The following GLRA1 variants were observed in gnomAD, a reference collection of about 807,000 sequenced individuals.
GLRA1 encodes glycine receptor alpha 1.
GLRA1 carries 37 observed loss-of-function variants against 48.3 expected under a neutral mutation model. The ratio of observed to expected loss-of-function variants is 0.77; its 90% CI spans 0.59 to 1.01. The LOEUF (loss-of-function observed/expected upper bound fraction) is 1.01. GLRA1 is among the 50% of genes least tolerant of loss of function. The probability of loss-of-function intolerance (pLI) is 0.00; values close to 1 mark genes in which losing one functional copy is unlikely to be tolerated. For synonymous variants in GLRA1, 196 were observed against 210.7 expected, an observed-to-expected ratio of 0.93 and a Z score of 0.60; for missense variants, 427 against 571.0, an observed-to-expected ratio of 0.75 and a Z score of 2.57.
intron 7 of GLRA1, among the ~76,000 whole-genome samples, chr5:151,843,081 T>C (rs1426731290): frequency 6.6e-6 from 1 of 152,126 alleles, no homozygotes; most frequent in Non-Finnish European, 1.5e-5. Flanking sequence ...AAATCTTTTT[T>C]GAAAGAAATT....
chr5:151,897,328 G>A (rs2964608), intron 1 of GLRA1, among the ~76,000 whole-genome samples: 61,142 of 151,982 alleles, frequency 0.4, 12,446 homozygotes, highest in South Asian at 0.48. Context: ...CACAATTCCC[G>A]GTTAACTTAA....
chr5:151,891,534 G>A lies in GLRA1; in HGVS notation c.184+777C>T, dbSNP rs948609431. ...GAAACATGGGGCCTACATTTCTGCA[G>A]GGCAACTACAGGCTGGGGCTAAGAA... On this transcript the variant is annotated intron_variant, in intron 2 of 8. Transcript: ENST00000274576. Among the ~76,000 whole-genome samples, 3 of 152,258 alleles carry A rather than the reference G, an allele frequency of 2.0e-5. No individual in the cohort carries two copies. The East Asian group carries it at 5.8e-4, about 29-fold the overall frequency.
chr5:151,882,343 A>T (rs1451772297), intron 3 of GLRA1, among the ~76,000 whole-genome samples: 1 of 152,160 alleles, frequency 6.6e-6, no homozygotes, highest in Non-Finnish European at 1.5e-5. Flanking sequence ...TTCCCACTTT[A>T]TGGGGGTTGT....
At chr5:151,829,590 A>G (rs139766389) in intron 7 of GLRA1, among the ~76,000 whole-genome samples, 7 of 152,366 alleles carry the variant, frequency 4.6e-5, no homozygotes, top group African/African-American at 1.7e-4. Flanking sequence ...GCTTTGTGGC[A>G]GTGTTTAAAA....
Position 151,900,670 on chromosome 5 carries a change from C to CT in GLRA1, c.57-8233dup, listed in dbSNP as rs144574719. On this transcript the variant is annotated intron_variant, in intron 1 of 8. Coordinates refer to ENST00000274576, the MANE Select transcript of GLRA1 (RefSeq NM_000171.4). Reference sequence around the variant, plus strand: ...TTTGCTTACATTATATTGACGTTTTCTTTTTCTCATCTTCCTTCTCCTTAC... The same window carrying CT: ...TTTGCTTACATTATATTGACGTTTTCTTTTTTCTCATCTTCCTTCTCCTTAC... Among the ~76,000 whole-genome samples, 1,207 of 152,226 alleles carry CT rather than the reference C, an allele frequency of 7.9e-3. 19 individuals are homozygous for CT. Among genetic ancestry groups the CT allele is most frequent in the African/African-American group, 0.027 (1,136 of 41,520 alleles).
chr5:151,878,198 C>A (rs143645569), intron 3 of GLRA1, among the ~76,000 whole-genome samples: 2 of 152,254 alleles, frequency 1.3e-5, no homozygotes, highest in South Asian at 4.2e-4. Flanking sequence ...GCAAAGGTGA[C>A]GCTTGTTATG....
intron 3 of GLRA1, among the ~76,000 whole-genome samples, chr5:151,863,683 G>T (rs187378025): frequency 6.6e-6 from 1 of 152,176 alleles, no homozygotes; most frequent in Admixed American, 6.5e-5. Flanking sequence ...ATTCCCGAGG[G>T]TGCTGGATAA....
intron 3 of GLRA1, among the ~76,000 whole-genome samples, chr5:151,878,502 T>A (rs1672105726): frequency 6.6e-6 from 1 of 152,008 alleles, no homozygotes; most frequent in Non-Finnish European, 1.5e-5. Context: ...CCCAAGACAA[T>A]GGGGAAAATG....
intron 7 of GLRA1, among the ~76,000 whole-genome samples, chr5:151,840,043 GA>G (rs1043801541): frequency 6.6e-6 from 1 of 150,426 alleles, no homozygotes; most frequent in African/African-American, 2.4e-5. Context: ...AAAATAACTG[GA>G]AAAAAATAGT....
intron 7 of GLRA1, among the ~76,000 whole-genome samples, chr5:151,837,798 C>T (rs1267850345): frequency 6.6e-6 from 1 of 152,058 alleles, no homozygotes; most frequent in African/African-American, 2.4e-5. Context: ...CATCACACAC[C>T]AGGGCCTATT....
In GLRA1 at chr5:151,856,354, T is replaced by G; in HGVS notation, c.506A>C (p.Asp169Ala). Residue 169 changes from aspartate (D) to alanine (A), a missense_variant, in exon 5 of 9, where the codon GAC (aspartate) becomes GCC (alanine). Asp to Ala is a moderately radical substitution (Grantham distance 126). Around this residue, in one of 4 missense-constraint regions of GLRA1, gnomAD observed 271 missense variants for 434.9 expected, o/e 0.62. Transcript: ENST00000274576. The stretch of plus-strand genomic sequence containing the variant: ...GACATCCATGGGGAAATTCTTCAAG[T>G]CCATGGGGCAGGCCAGTGTCAGGGT... ...RITLTLACPMDLKNFPMDVQT... is the reference protein window; with the variant it reads ...RITLTLACPMALKNFPMDVQT... The G allele has an allele frequency of 6.2e-7, 1 of 1,612,202 alleles. No individual in the cohort carries two copies. Among genetic ancestry groups the G allele is most frequent in the South Asian group, 1.1e-5 (1 of 91,050 alleles).
intron 1 of GLRA1, among the ~76,000 whole-genome samples, chr5:151,893,565 T>A (rs955852556): frequency 2.0e-5 from 3 of 151,998 alleles, no homozygotes; most frequent in African/African-American, 7.2e-5. Context: ...TGTGTCCACA[T>A]GTTCTTATTG....
intron 1 of GLRA1, among the ~76,000 whole-genome samples, chr5:151,912,585 G>C (rs1754644066): frequency 6.6e-6 from 1 of 152,184 alleles, no homozygotes; most frequent in African/African-American, 2.4e-5. Flanking sequence ...CTCATTTCTT[G>C]GAGCAGAAAG....
chr5:151,909,801 T>C (rs1163331735), intron 1 of GLRA1, among the ~76,000 whole-genome samples: 1 of 152,170 alleles, frequency 6.6e-6, no homozygotes, highest in Non-Finnish European at 1.5e-5. Flanking sequence ...TGGACATTAA[T>C]TTACTGTTGA....
chr5:151,848,941 C>T, intron 7 of GLRA1: 1 of 713,606 alleles, frequency 1.4e-6, no homozygotes, highest in Admixed American at 1.8e-5. Context: ...TGTACATGTC[C>T]CTGTCTCAGG....
At chr5:151,888,660 A>C (rs937546252) in intron 2 of GLRA1, among the ~76,000 whole-genome samples, 1 of 152,172 alleles carries the variant, frequency 6.6e-6, no homozygotes, top group African/African-American at 2.4e-5. Flanking sequence ...CCAACCCCAC[A>C]CTAAGTAAAA....
At chr5:151,923,991 A>G (rs1432634795) in intron 1 of GLRA1, among the ~76,000 whole-genome samples, 1 of 152,168 alleles carries the variant, frequency 6.6e-6, no homozygotes, top group African/African-American at 2.4e-5. Context: ...AAAAAAGGAC[A>G]GAAAATGAAA....
At chr5:151,912,946 C>G (rs1239131814) in intron 1 of GLRA1, among the ~76,000 whole-genome samples, 5 of 152,154 alleles carry the variant, frequency 3.3e-5, no homozygotes, top group African/African-American at 1.2e-4. Context: ...TCCCTTTAAA[C>G]AAACTGAGTG....
In GLRA1 at chr5:151,924,821, T is replaced by C; in HGVS notation, c.-272A>G. On this transcript the variant is annotated 5_prime_UTR_variant, in exon 1 of 9. Coordinates refer to ENST00000274576, the MANE Select transcript of GLRA1 (RefSeq NM_000171.4). ...CGAAGAGTATTGCTGTTTGTTAAAC[T>C]CCAGCGTGTCTGTTGGCTCCCTGCG... 1 of 537,134 alleles carries C rather than the reference T, an allele frequency of 1.9e-6. No homozygotes were observed. The highest frequency in any genetic ancestry group is 3.3e-6 in the Non-Finnish European group (1 of 299,114). 33.3% of individuals were successfully genotyped at this position (537,134 alleles called of 1,614,324 possible).
Sources: allele counts gnomAD v4.1 joint callset (sites outside exome capture counted in the v4.1 genomes callset), GRCh38; gene constraint gnomAD v4.1.1; regional missense constraint gnomAD v4.1.1; transcripts MANE v1.5; gene names NCBI Gene and HGNC (gene_info 2026-07-23, HGNC 2026-07-21).